Variants in NUDT16L1 observed in about 807,000 individuals in gnomAD.
NUDT16L1 encodes the protein nudix hydrolase 16 like 1.
NUDT16L1 carries 19 observed loss-of-function variants against 17.3 expected under a neutral mutation model. The ratio of observed to expected loss-of-function variants is 1.10; its 90% CI spans 0.77 to 1.61. The LOEUF (loss-of-function observed/expected upper bound fraction) is 1.61, where lower values mean the gene tolerates loss of function less well. Ranked by LOEUF, NUDT16L1 falls within the 40% of genes most tolerant of loss-of-function variation. The pLI, the probability that NUDT16L1 is intolerant of heterozygous loss-of-function variation, is 0.00. For missense variants in NUDT16L1, 341 were observed against 292.0 expected (o/e 1.17, Z -1.22); for synonymous variants, 255 against 138.6 (o/e 1.84, Z -5.90).
chr16:4,694,137 C>T (rs1267132102), exon 2 of NUDT16L1: 1 of 1,588,924 alleles, frequency 6.3e-7, no homozygotes, highest in African/African-American at 1.4e-5. Flanking sequence ...GACCGAGGGC[C>T]CACACCGCGT....
At chr16:4,695,245 T>C in exon 3 of NUDT16L1, 3 of 1,525,228 alleles carry the variant, frequency 2.0e-6, no homozygotes, top group Non-Finnish European at 2.7e-6. Flanking sequence ...TAAGTGTGGC[T>C]TCTAGAGTGT....
At chr16:4,694,740 GA>G (rs2079500567) in intron 2 of NUDT16L1, 1 of 1,423,242 alleles carries the variant, frequency 7.0e-7, no homozygotes, top group African/African-American at 1.4e-5. Context: ...CGAGGGGGGG[GA>G]GTGCATGGGG....
chr16:4,694,358 G>A, intron 2 of NUDT16L1, 120 bp downstream of exon 2: 4 of 1,471,414 alleles, frequency 2.7e-6, no homozygotes, highest in Non-Finnish European at 9.0e-7. Flanking sequence ...GGGTGTCGCT[G>A]TCTCCAGCAA....
exon 3 of NUDT16L1, chr16:4,695,278 T>C: frequency 8.0e-7 from 1 of 1,243,802 alleles, no homozygotes; most frequent in African/African-American, 1.5e-5. Flanking sequence ...CGCTTCTGAC[T>C]GCCTAGGGCG....
At chr16:4,694,450 G>A in intron 2 of NUDT16L1, 1 of 1,525,178 alleles carries the variant, frequency 6.6e-7, no homozygotes, top group Non-Finnish European at 8.8e-7. Context: ...CTCCCTCAGG[G>A]CTGTGTTACA....
exon 2 of NUDT16L1, chr16:4,694,086 T>C: frequency 6.3e-7 from 1 of 1,590,872 alleles, no homozygotes; most frequent in Non-Finnish European, 8.5e-7. Flanking sequence ...GGGCCTGGGC[T>C]GCCTGCGCCT....
exon 3 of NUDT16L1, chr16:4,695,266 C>A: frequency 1.5e-6 from 2 of 1,370,086 alleles, no homozygotes; most frequent in Non-Finnish European, 1.0e-6. Flanking sequence ...TTGTGTGTAC[C>A]CCGCTTCTGA....
exon 3 of NUDT16L1, chr16:4,695,117 C>T (rs777496703): frequency 1.2e-5 from 19 of 1,611,646 alleles, no homozygotes; most frequent in East Asian, 2.2e-5. Context: ...GGTTGAGGCC[C>T]TGGCTGCAGC....
intron 2 of NUDT16L1, 97 bp from the exon 3 acceptor site, chr16:4,694,861 C>G (rs1002416393): frequency 2.7e-6 from 4 of 1,485,048 alleles, no homozygotes; most frequent in African/African-American, 1.4e-5. Context: ...GCAAAGCTGG[C>G]TGCTCATACC....
exon 3 of NUDT16L1, chr16:4,695,811 G>C (rs546776748): frequency 7.8e-6 from 3 of 384,656 alleles, no homozygotes; most frequent in African/African-American, 6.2e-5. Context: ...CGAAGCTGTC[G>C]AAGGAGAAGA....
rs578171093 is a variant in NUDT16L1 at position 4,694,732 on chromosome 16, A to AG, written c.415-218dup. On this transcript the variant is annotated intron_variant, in intron 2 of 2. Coordinates refer to ENST00000304301, the Ensembl canonical transcript of NUDT16L1. ...CCCGGGGTGGGGTGGCCTGGGTACG[A>AG]GGGGGGGGAGTGCATGGGGTCAGCC... 768 of 910,468 alleles carry AG rather than the reference A, an allele frequency of 8.4e-4. 1 individual carries two copies. Among genetic ancestry groups the AG allele is most frequent in the South Asian group, 4.6e-3 (133 of 29,162 alleles). 56.4% of individuals were successfully genotyped at this position (910,468 alleles called of 1,614,324 possible). A position where few individuals can be genotyped will look rare whatever the true frequency, so the allele number is the denominator to read the frequency against.
exon 2 of NUDT16L1, chr16:4,694,235 G>C: frequency 6.7e-7 from 1 of 1,484,910 alleles, no homozygotes; most frequent in Non-Finnish European, 8.9e-7. Context: ...ACCACGGCCT[G>C]GAGGTGGGGC....
exon 3 of NUDT16L1, chr16:4,695,176 T>G (rs2079516284): frequency 6.2e-7 from 1 of 1,612,022 alleles, no homozygotes; most frequent in African/African-American, 1.3e-5. Flanking sequence ...CGGCCTCCTC[T>G]TGAGGGCTGC....
At chr16:4,694,615 G>T (rs1056722591) in intron 2 of NUDT16L1, 31 of 1,429,298 alleles carry the variant, frequency 2.2e-5, no homozygotes, top group Non-Finnish European at 2.8e-5. Flanking sequence ...TGGGCGTGAA[G>T]GCTCTTGGGA....
exon 3 of NUDT16L1, chr16:4,695,454 C>T: frequency 1.7e-6 from 1 of 587,984 alleles, no homozygotes. Context: ...TCAGACCCTC[C>T]TCTTGTACGT....
chr16:4,694,706 C>T, intron 2 of NUDT16L1: 1 of 1,420,422 alleles, frequency 7.0e-7, no homozygotes. Context: ...GGGGTGCGGA[C>T]CCCGGGGTGG....
rs375870846 is a variant in NUDT16L1 at position 4,693,969 on chromosome 16, C to G, written c.154-9C>G. On this transcript the variant is annotated splice_polypyrimidine_tract_variant and intron_variant, in intron 1 of 2. Transcript: ENST00000304301. ...CGACCCCGCGGCTGTGACCCGCGCT[C>G]CCTTGCAGATGCAGATGCGTTTCGA... 31 of 1,562,762 alleles carry G rather than the reference C, an allele frequency of 2.0e-5. No individual in the cohort carries two copies. In the East Asian group the frequency reaches 4.6e-4, roughly 23 times the overall value.
exon 3 of NUDT16L1, chr16:4,695,299 C>T: frequency 2.1e-6 from 2 of 968,008 alleles, no homozygotes; most frequent in Non-Finnish European, 3.1e-6. Context: ...AGTGGGCATC[C>T]TGTCATCATC....
At chr16:4,695,407 C>T (rs2079521127) in exon 3 of NUDT16L1, 1 of 596,324 alleles carries the variant, frequency 1.7e-6, no homozygotes, top group East Asian at 2.8e-5. Flanking sequence ...ACTGGGCCTG[C>T]CTCTCCAGCC....
Sources: allele counts gnomAD v4.1 joint callset, GRCh38; gene constraint gnomAD v4.1.1; transcripts MANE v1.5; gene names NCBI Gene and HGNC (gene_info 2026-07-23, HGNC 2026-07-21).